The following CCDC81 variants were observed in gnomAD, a reference collection of about 807,000 sequenced individuals.
CCDC81 encodes coiled-coil domain-containing protein 81.
Under a neutral mutation model 83.7 loss-of-function variants are expected in CCDC81, and 79 were observed. That is an observed-to-expected ratio of 0.94 (90% CI 0.79 to 1.14). The LOEUF (loss-of-function observed/expected upper bound fraction) is 1.14, where lower values mean the gene tolerates loss of function less well. CCDC81 is among the 50% of genes most tolerant of loss of function. CCDC81 has a pLI of 0.00. For synonymous variants in CCDC81, 252 were observed against 278.1 expected (o/e 0.91, Z 0.93); for missense variants, 791 against 778.1 (o/e 1.02, Z -0.20).
intron 3 of CCDC81, among the ~76,000 whole-genome samples, chr11:86,388,844 C>T (rs1948284644): frequency 6.6e-6 from 1 of 152,074 alleles, no homozygotes; most frequent in East Asian, 1.9e-4. Context: ...GCAAAAACAT[C>T]TGTGCATTAA....
Position 86,386,093 on chromosome 11 carries a change from G to A in CCDC81, c.122G>A (p.Arg41Gln), listed in dbSNP as rs760694239. The change falls in exon 2 of 15, where the codon CGG (arginine) becomes CAG (glutamine). Residue 41 changes from arginine (R) to glutamine (Q), a missense_variant. Coordinates refer to ENST00000445632, the MANE Select transcript of CCDC81 (RefSeq NM_001156474.2). ...IWGNVSEFVR[R>Q]QLTLHKGVQI... ...GGGAATGTATCAGAATTTGTGAGACGGCAGTTAACCCTGCACAAGGTAAGA... is the reference window on the plus strand; with the variant it reads ...GGGAATGTATCAGAATTTGTGAGACAGCAGTTAACCCTGCACAAGGTAAGA... 1.1e-5 allele frequency: 17 copies of A among 1,488,790 alleles called. No homozygotes were observed. The highest frequency in any genetic ancestry group is 2.5e-5 in the East Asian group (1 of 40,400). 92.2% of individuals were successfully genotyped at this position (1,488,790 alleles called of 1,614,324 possible). A position where few individuals can be genotyped will look rare whatever the true frequency, so the allele number is the denominator to read the frequency against.
In CCDC81 at chr11:86,408,261, C is replaced by T. The variant is rs754315636; in HGVS notation, c.1104C>T (p.Phe368=). 39 of 1,612,072 alleles carry T rather than the reference C, an allele frequency of 2.4e-5. No individual in the cohort carries two copies. In the South Asian group the frequency reaches 4.0e-4, roughly 16 times the overall value. The change falls in exon 9 of 15, where the codon TTC becomes TTT. Residue 368 remains phenylalanine, a synonymous_variant. Coordinates refer to ENST00000445632, the MANE Select transcript of CCDC81 (RefSeq NM_001156474.2). ...TGTTAAAGGATCAGGAGGCTCTCTT[C>T]AGACACCAGGTAGTCCAACACCTCG... ...YQMLKDQEAL[F]RHQMKSLATR...
At chr11:86,420,087 C>T in intron 14 of CCDC81, 34 bp downstream of exon 14, 1 of 1,603,568 alleles carries the variant, frequency 6.2e-7, no homozygotes, top group Non-Finnish European at 8.5e-7. Flanking sequence ...AATTCTCCTG[C>T]TCCTTGTGGG....
At chr11:86,384,708 C>A (rs1196280344) in intron 1 of CCDC81, among the ~76,000 whole-genome samples, 1 of 152,144 alleles carries the variant, frequency 6.6e-6, no homozygotes, top group Non-Finnish European at 1.5e-5. Context: ...GCATCTATGT[C>A]CCTAAATGGC....
At chr11:86,402,833 G>GT (rs896826320) in intron 7 of CCDC81, among the ~76,000 whole-genome samples, 1 of 151,506 alleles carries the variant, frequency 6.6e-6, no homozygotes, top group Non-Finnish European at 1.5e-5. Flanking sequence ...TTTCTAGTGG[G>GT]TTTTTTTGTT....
chr11:86,414,000 TA>T (rs1948682045), intron 11 of CCDC81, among the ~76,000 whole-genome samples: 1 of 152,232 alleles, frequency 6.6e-6, no homozygotes, highest in Non-Finnish European at 1.5e-5. Context: ...TCTATTTCTA[TA>T]AAATGTATAT....
In CCDC81 at chr11:86,392,514, C is replaced by T. The variant is rs1363617802; in HGVS notation, c.299-27C>T. The T allele has an allele frequency of 2.6e-6, 4 of 1,544,382 alleles. No individual in the cohort carries two copies. The African/African-American group carries it at 4.1e-5, about 16-fold the overall frequency. ...TATGGTAATCACCACTTTCTTTCTC[C>T]CACCCCAACTGTCTTTTCTCCTTTA... On this transcript the variant is annotated intron_variant, in intron 3 of 14. Transcript: ENST00000445632.
chr11:86,391,716 G>C (rs1948331573), intron 3 of CCDC81, among the ~76,000 whole-genome samples: 1 of 152,202 alleles, frequency 6.6e-6, no homozygotes, highest in African/African-American at 2.4e-5. Context: ...TTGTAATCAT[G>C]TAAAAATGGC....
Position 86,415,171 on chromosome 11 carries a change from C to A in CCDC81, c.1549C>A (p.Leu517Met), listed in dbSNP as rs766008244. ...CATCTTTGGTAAGAATGAGGGTGAA[C>A]TGATGGTGGAAAAGCAAAAGCGAGA... ...EPIFGKNEGE[L>M]MVEKQKREQN... Residue 517 changes from leucine (L) to methionine (M), a missense_variant, in exon 13 of 15, where the codon CTG becomes ATG. Leu to Met is a conservative substitution (Grantham distance 15, BLOSUM62 2). Coordinates refer to ENST00000445632, the MANE Select transcript of CCDC81 (RefSeq NM_001156474.2). 2 of 1,614,186 alleles carry A rather than the reference C, an allele frequency of 1.2e-6. No individual in the cohort carries two copies. Among genetic ancestry groups the A allele is most frequent in the Admixed American group, 1.7e-5 (1 of 60,024 alleles).
At chr11:86,379,116 A>T (rs538934105) in intron 1 of CCDC81, among the ~76,000 whole-genome samples, 121 of 141,868 alleles carry the variant, frequency 8.5e-4, no homozygotes, top group African/African-American at 2.7e-3. Context: ...TTTTTTTTTG[A>T]GACATAGTCT....
At chr11:86,407,421 C>T (rs1262518736) in intron 7 of CCDC81, among the ~76,000 whole-genome samples, 193 bp from the exon 8 acceptor site, 5 of 152,192 alleles carry the variant, frequency 3.3e-5, no homozygotes, top group Non-Finnish European at 7.3e-5. Flanking sequence ...AGCAAGAAAG[C>T]TGGGATTCAA....
intron 7 of CCDC81, among the ~76,000 whole-genome samples, chr11:86,403,205 T>C (rs1313203122): frequency 6.6e-6 from 1 of 151,980 alleles, no homozygotes; most frequent in Non-Finnish European, 1.5e-5. Flanking sequence ...TTTACAGTTT[T>C]CCTGCTTGAA....
In CCDC81 at chr11:86,422,722, A is replaced by G. The variant is rs767553898; in HGVS notation, c.*7A>G. ...CTCCCGGTTGCTTGTGTAAAACTCA[A>G]AGTTTGGCTCTTCGTTTCCCGGGGA... On this transcript the variant is annotated 3_prime_UTR_variant, in exon 15 of 15. Transcript: ENST00000445632. The G allele has an allele frequency of 1.2e-6, 2 of 1,609,816 alleles. No individual in the cohort carries two copies. The highest frequency in any genetic ancestry group is 1.7e-6 in the Non-Finnish European group (2 of 1,176,862).
chr11:86,395,554 C>A lies in CCDC81; in HGVS notation c.635+141C>A, dbSNP rs552131429. On this transcript the variant is annotated intron_variant, in intron 5 of 14. Coordinates refer to ENST00000445632, the MANE Select transcript of CCDC81 (RefSeq NM_001156474.2). ...GTCTGTCTCTCCCTCTCTAAATCCA[C>A]CAACAAAGAAGAGTTTATTGCATAC... The A allele has an allele frequency of 1.6e-5, 10 of 639,920 alleles. 1 individual carries two copies. In the South Asian group the frequency reaches 2.0e-4, roughly 13 times the overall value. The allele number at this position is 639,920 out of a possible 1,614,324, so 39.6% of individuals were successfully genotyped here. A position where few individuals can be genotyped will look rare whatever the true frequency, so the allele number is the denominator to read the frequency against.
At chr11:86,412,253 A>T in intron 10 of CCDC81, 134 bp from the exon 11 acceptor site, 1 of 667,138 alleles carries the variant, frequency 1.5e-6, no homozygotes, top group Non-Finnish European at 2.5e-6. Flanking sequence ...CCTCAACACC[A>T]GCTGGTCCGT....
chr11:86,392,330 T>C (rs746507622), intron 3 of CCDC81, among the ~76,000 whole-genome samples: 23 of 152,264 alleles, frequency 1.5e-4, no homozygotes, highest in Non-Finnish European at 3.2e-4. Context: ...TTGAACCTTA[T>C]ACTTTTAGAG....
At chr11:86,405,059 A>T (rs1399362485) in intron 7 of CCDC81, among the ~76,000 whole-genome samples, 2 of 152,150 alleles carry the variant, frequency 1.3e-5, no homozygotes, top group Non-Finnish European at 2.9e-5. Flanking sequence ...TATTAGCTAA[A>T]CCTTGTTAAA....
chr11:86,394,930 G>A (rs1948382955), intron 4 of CCDC81, among the ~76,000 whole-genome samples: 2 of 152,184 alleles, frequency 1.3e-5, no homozygotes, highest in African/African-American at 4.8e-5. Context: ...ATTTGAACAT[G>A]AGCCCACCTG....
Position 86,375,137 on chromosome 11 carries a change from C to A in CCDC81, c.-27C>A. 3.8e-6 allele frequency: 6 copies of A among 1,597,622 alleles called. No homozygotes were observed. The highest frequency in any genetic ancestry group is 5.1e-6 in the Non-Finnish European group (6 of 1,165,260). On this transcript the variant is annotated 5_prime_UTR_variant, in exon 1 of 15. Coordinates refer to ENST00000445632, the MANE Select transcript of CCDC81 (RefSeq NM_001156474.2). Reference sequence around the variant, plus strand: ...AGAAAGAAGAGACCCATCGAACATTCAGTACGGAGTCACCTGGAAATTGGA... The same window carrying A: ...AGAAAGAAGAGACCCATCGAACATTAAGTACGGAGTCACCTGGAAATTGGA...
Sources: allele counts gnomAD v4.1 joint callset (sites outside exome capture counted in the v4.1 genomes callset), GRCh38; gene constraint gnomAD v4.1.1; transcripts MANE v1.5; gene names NCBI Gene and HGNC (gene_info 2026-07-23, HGNC 2026-07-21).